Variants in TRPC6 observed in about 807,000 individuals in gnomAD.
TRPC6 encodes the protein short transient receptor potential channel 6.
TRPC6 carries 55 observed loss-of-function variants against 90.7 expected under a neutral mutation model. That is an observed-to-expected ratio of 0.61 (90% CI 0.49 to 0.76). TRPC6 has a LOEUF of 0.76. TRPC6 is among the 30% of genes least tolerant of loss of function. The pLI is 0.00. For missense variants in TRPC6, 989 were observed against 1,122.7 expected (o/e 0.88, Z 1.70); for synonymous variants, 393 against 393.0 (o/e 1.00, Z 0.00).
intron 1 of TRPC6, among the ~76,000 whole-genome samples, chr11:101,557,711 T>C (rs1216660574): frequency 6.6e-6 from 1 of 152,094 alleles, no homozygotes; most frequent in Non-Finnish European, 1.5e-5. Flanking sequence ...AACATTTCTA[T>C]ACACTAACAA....
At chr11:101,569,301 G>C (rs1439193242) in intron 1 of TRPC6, among the ~76,000 whole-genome samples, 1 of 152,032 alleles carries the variant, frequency 6.6e-6, no homozygotes, top group Non-Finnish European at 1.5e-5. Flanking sequence ...ACGGATCAAT[G>C]CAACAAGAAG....
intron 1 of TRPC6, among the ~76,000 whole-genome samples, chr11:101,570,432 T>C (rs113717046): frequency 6.6e-6 from 1 of 152,208 alleles, no homozygotes; most frequent in Admixed American, 6.5e-5. Context: ...ACAGCCAAAT[T>C]CTACCAGAAG....
At chr11:101,556,171 A>G (rs1861556607) in intron 1 of TRPC6, among the ~76,000 whole-genome samples, 1 of 152,212 alleles carries the variant, frequency 6.6e-6, no homozygotes, top group Non-Finnish European at 1.5e-5. Flanking sequence ...AACAGAAAAA[A>G]TAAACTAAGC....
intron 10 of TRPC6, among the ~76,000 whole-genome samples, chr11:101,462,432 C>T (rs569589680): frequency 3.3e-5 from 5 of 152,146 alleles, no homozygotes; most frequent in Admixed American, 6.5e-5. Flanking sequence ...TTGATTCTTC[C>T]TATCCATGAG....
intron 1 of TRPC6, among the ~76,000 whole-genome samples, chr11:101,544,709 A>G (rs1247675525): frequency 6.6e-6 from 1 of 151,962 alleles, no homozygotes; most frequent in Non-Finnish European, 1.5e-5. Context: ...GGAGGGGAAC[A>G]TCACACACTG....
At chr11:101,580,499 A>G (rs1197957089) in intron 1 of TRPC6, among the ~76,000 whole-genome samples, 1 of 152,194 alleles carries the variant, frequency 6.6e-6, no homozygotes, top group Non-Finnish European at 1.5e-5. Flanking sequence ...TTAAGGCCTT[A>G]TTGCACATAA....
chr11:101,555,647 T>C (rs1169040836), intron 1 of TRPC6, among the ~76,000 whole-genome samples: 4 of 152,178 alleles, frequency 2.6e-5, no homozygotes, highest in Non-Finnish European at 5.9e-5. Flanking sequence ...GGGAACATTA[T>C]GTAAGAGAAT....
At chr11:101,453,204 C>G in intron 12 of TRPC6, 98 bp from the exon 13 acceptor site, 1 of 1,204,738 alleles carries the variant, frequency 8.3e-7, no homozygotes, top group Non-Finnish European at 1.2e-6. Flanking sequence ...ATTTCACACA[C>G]AATTTTATTT....
chr11:101,556,813 A>G (rs1027860730), intron 1 of TRPC6, among the ~76,000 whole-genome samples: 2 of 152,166 alleles, frequency 1.3e-5, no homozygotes, highest in African/African-American at 4.8e-5. Flanking sequence ...TCAACAAAAT[A>G]TACAAGCAAA....
At chr11:101,563,141 G>A (rs11224858) in intron 1 of TRPC6, among the ~76,000 whole-genome samples, 11,187 of 152,190 alleles carry the variant, frequency 0.074, 565 homozygotes, top group Non-Finnish European at 0.11. Flanking sequence ...GCCATGTTTC[G>A]AGTGCTCAAT....
At chr11:101,527,934 A>G (rs35169798) in intron 1 of TRPC6, among the ~76,000 whole-genome samples, 4,020 of 152,170 alleles carry the variant, frequency 0.026, 73 homozygotes, top group Middle Eastern at 0.051. Flanking sequence ...TTAGCTGGGC[A>G]TAGTGACGGG....
chr11:101,583,661 GC>G lies in TRPC6; in HGVS notation c.-159del, dbSNP rs1384852575. ...GGTGAAGCAGGGGGTGCAGACGCCC[GC>G]CGCAAGTGGCTCGCCCACTGGCCCG... On this transcript the variant is annotated 5_prime_UTR_variant, in exon 1 of 13. Coordinates refer to ENST00000344327, the MANE Select transcript of TRPC6 (RefSeq NM_004621.6). 2 of 703,464 alleles carry G rather than the reference GC, an allele frequency of 2.8e-6. No homozygotes were observed. Among genetic ancestry groups the G allele is most frequent in the Non-Finnish European group, 4.2e-6 (2 of 473,018 alleles). 43.6% of individuals were successfully genotyped at this position (703,464 alleles called of 1,614,324 possible). A position where few individuals can be genotyped will look rare whatever the true frequency, so the allele number is the denominator to read the frequency against.
At chr11:101,484,593 C>CTA (rs1211134257) in intron 4 of TRPC6, among the ~76,000 whole-genome samples, 1 of 87,208 alleles carries the variant, frequency 1.1e-5, no homozygotes, top group South Asian at 4.7e-4. Flanking sequence ...CTCTCTCATG[C>CTA]TATGTGTGTG....
intron 1 of TRPC6, among the ~76,000 whole-genome samples, chr11:101,556,765 T>C (rs1861568751): frequency 6.6e-6 from 1 of 152,114 alleles, no homozygotes; most frequent in Non-Finnish European, 1.5e-5. Context: ...AAGAAAACTA[T>C]AGGCCAGTAC....
intron 1 of TRPC6, among the ~76,000 whole-genome samples, chr11:101,548,795 C>T (rs1565238969): frequency 6.6e-6 from 1 of 151,696 alleles, no homozygotes. Flanking sequence ...TGCTAAAATG[C>T]AAGATTTTAC....
intron 1 of TRPC6, among the ~76,000 whole-genome samples, chr11:101,529,091 T>C (rs549185816): frequency 7.9e-5 from 12 of 152,286 alleles, no homozygotes; most frequent in Non-Finnish European, 1.6e-4. Flanking sequence ...CCACATACTT[T>C]AAATAAAGAC....
Position 101,583,464 on chromosome 11 carries a change from A to T in TRPC6, c.40T>A (p.Ser14Thr), listed in dbSNP as rs1472651179. The change falls in exon 1 of 13, where the codon TCT (serine) becomes ACT (threonine). Residue 14 changes from serine to threonine, a missense_variant. Ser to Thr is a moderately conservative substitution (Grantham distance 58). Transcript: ENST00000344327. The stretch of plus-strand genomic sequence containing the variant: ...GCGGCTCCGGCAGCGCCCCGGGGAG[A>T]ACTGCCCCTCCGGGGCCCGAACGCC... ...SPAFGPRRGS[S>T]PRGAAGAAAR... 4 of 1,527,270 alleles carry T rather than the reference A, an allele frequency of 2.6e-6. No individual in the cohort carries two copies. The highest frequency in any genetic ancestry group is 3.5e-6 in the Non-Finnish European group (4 of 1,135,384). 94.6% of individuals were successfully genotyped at this position (1,527,270 alleles called of 1,614,324 possible).
rs549338198 is a variant in TRPC6 at position 101,513,657 on chromosome 11, TCC to T, written c.171-8861_171-8860del. On this transcript the variant is annotated intron_variant, in intron 1 of 12. Transcript: ENST00000344327. Reference sequence around the variant, plus strand: ...GTTCACGCCTTTCTGAGCTTATTTTTCCCTTCTTTAAGCTGTCAAGAAAGACA... The same window carrying T: ...GTTCACGCCTTTCTGAGCTTATTTTTCTTCTTTAAGCTGTCAAGAAAGACA... 7.9e-4 allele frequency among the ~76,000 whole-genome samples: 120 copies of T among 152,274 alleles called. 1 individual carries two copies. In the Middle Eastern group the frequency reaches 0.014, roughly 17 times the overall value.
chr11:101,470,112 A>G (rs1432863767), intron 9 of TRPC6, among the ~76,000 whole-genome samples: 1 of 152,182 alleles, frequency 6.6e-6, no homozygotes, highest in African/African-American at 2.4e-5. Flanking sequence ...AGAAGGAAAA[A>G]TCTTCAATAC....
Sources: gnomAD v4.1 joint callset for allele counts (sites outside exome capture counted in the v4.1 genomes callset) on GRCh38, gnomAD v4.1.1 for gene constraint, MANE v1.5 for transcripts, NCBI Gene and HGNC (gene_info 2026-07-23, HGNC 2026-07-21) for gene names.